The following FBXO15 variants were observed in gnomAD, a reference collection of about 807,000 sequenced individuals.
FBXO15 encodes F-box protein 15.
A neutral mutation model predicts 49.5 loss-of-function variants in FBXO15; 30 were observed. That is an observed-to-expected ratio of 0.61 (90% CI 0.45 to 0.82). The LOEUF (loss-of-function observed/expected upper bound fraction) is 0.82, where lower values mean the gene tolerates loss of function less well. Ranked by LOEUF, FBXO15 falls within the 40% of genes least tolerant of loss-of-function variation. The pLI is 0.00. For synonymous variants in FBXO15, 250 were observed against 232.7 expected, an observed-to-expected ratio of 1.07 and a Z score of -0.68; for missense variants, 591 against 631.5, an observed-to-expected ratio of 0.94 and a Z score of 0.69.
chr18:74,094,664 T>C (rs892421856), intron 8 of FBXO15, among the ~76,000 whole-genome samples: 21 of 152,252 alleles, frequency 1.4e-4, no homozygotes, highest in Non-Finnish European at 5.9e-5. Context: ...GTCTCATTTA[T>C]ACAGCAGAGA....
intron 8 of FBXO15, among the ~76,000 whole-genome samples, chr18:74,084,039 A>G (rs149486398): frequency 6.6e-6 from 1 of 152,358 alleles, no homozygotes; most frequent in East Asian, 1.9e-4. Flanking sequence ...CGGCAGAAAC[A>G]TGATCCAAAC....
chr18:74,103,643 G>C (rs9950571), intron 8 of FBXO15, among the ~76,000 whole-genome samples: 1 of 151,776 alleles, frequency 6.6e-6, no homozygotes, highest in African/African-American at 2.4e-5. Flanking sequence ...AGCAAATAAC[G>C]TAAAAGAGCA....
At chr18:74,077,252 G>A (rs1366200586) in intron 9 of FBXO15, among the ~76,000 whole-genome samples, 1 of 152,204 alleles carries the variant, frequency 6.6e-6, no homozygotes, top group Non-Finnish European at 1.5e-5. Flanking sequence ...GAGGGAGGTG[G>A]TAAGAGTAGT....
At chr18:74,089,549 T>C (rs185419723) in intron 8 of FBXO15, among the ~76,000 whole-genome samples, 46 of 152,274 alleles carry the variant, frequency 3.0e-4, no homozygotes, top group African/African-American at 8.9e-4. Flanking sequence ...CAGTATAATA[T>C]TGGTTTTGAA....
chr18:74,097,071 G>A (rs1370670217), intron 8 of FBXO15: 1 of 152,316 alleles, frequency 6.6e-6, no homozygotes, highest in Non-Finnish European at 1.5e-5. Context: ...GAAGCAGTGG[G>A]AAAAGCCCTG....
At chr18:74,128,420 T>A (rs1453764406) in intron 5 of FBXO15, among the ~76,000 whole-genome samples, 2 of 151,228 alleles carry the variant, frequency 1.3e-5, no homozygotes, top group African/African-American at 4.9e-5. Context: ...ATGTCAGATA[T>A]CACAGTATCC....
intron 1 of FBXO15, chr18:74,147,122 G>A (rs997233311): frequency 5.3e-5 from 8 of 152,340 alleles, no homozygotes; most frequent in Admixed American, 4.6e-4. Flanking sequence ...AGCAAGACCT[G>A]GCAATGTAGA....
intron 2 of FBXO15, 82 bp from the exon 3 acceptor site, chr18:74,135,948 GC>G: frequency 8.9e-7 from 1 of 1,121,852 alleles, no homozygotes. Flanking sequence ...ACAACTGGCT[GC>G]TCATCTCTAA....
At chr18:74,143,904 C>T (rs1979241426) in intron 1 of FBXO15, among the ~76,000 whole-genome samples, 1 of 152,214 alleles carries the variant, frequency 6.6e-6, no homozygotes, top group South Asian at 2.1e-4. Flanking sequence ...TAGCACACAT[C>T]ACCATCCAAC....
At chr18:74,146,392 C>T (rs1483449706) in intron 1 of FBXO15, among the ~76,000 whole-genome samples, 1 of 152,158 alleles carries the variant, frequency 6.6e-6, no homozygotes, top group East Asian at 1.9e-4. Context: ...ATGCAGGTTC[C>T]CATGCCAGGC....
chr18:74,084,027 A>C (rs976219726), intron 8 of FBXO15, among the ~76,000 whole-genome samples: 1 of 152,250 alleles, frequency 6.6e-6, no homozygotes, highest in Non-Finnish European at 1.5e-5. Flanking sequence ...ATCCCTGGTC[A>C]ACGGCAGAAA....
intron 1 of FBXO15, among the ~76,000 whole-genome samples, chr18:74,144,328 G>A (rs1209360036): frequency 6.6e-6 from 1 of 151,880 alleles, no homozygotes; most frequent in Non-Finnish European, 1.5e-5. Context: ...TTTTAAATGG[G>A]GACGATTTAG....
At chr18:74,131,228 A>G (rs1018846511) in intron 3 of FBXO15, among the ~76,000 whole-genome samples, 1 of 152,216 alleles carries the variant, frequency 6.6e-6, no homozygotes, top group African/African-American at 2.4e-5. Flanking sequence ...AACACTTACT[A>G]TGTGTCAAGC....
intron 1 of FBXO15, 145 bp downstream of exon 1, chr18:74,147,525 G>T (rs542009515): frequency 2.4e-6 from 3 of 1,256,124 alleles, no homozygotes; most frequent in East Asian, 6.3e-5. Context: ...GATTTCCTCC[G>T]GTCGTTCTTC....
intron 1 of FBXO15, chr18:74,140,743 A>G (rs978160338): frequency 6.2e-6 from 1 of 162,264 alleles, no homozygotes; most frequent in African/African-American, 2.4e-5. Flanking sequence ...CTTTCACCCA[A>G]AGGTTTAGAA....
chr18:74,096,616 G>C (rs756639134), intron 8 of FBXO15, among the ~76,000 whole-genome samples: 1 of 146,424 alleles, frequency 6.8e-6, no homozygotes, highest in African/African-American at 2.5e-5. Context: ...AAAGAAGAGC[G>C]AACAGGGAGC....
chr18:74,134,421 A>G (rs112609630), intron 3 of FBXO15, among the ~76,000 whole-genome samples: 1,956 of 143,522 alleles, frequency 0.014, 43 homozygotes, highest in African/African-American at 0.049. Flanking sequence ...CCCAGGCTAG[A>G]GTGCAGTGGC....
intron 5 of FBXO15, among the ~76,000 whole-genome samples, chr18:74,128,105 C>T (rs1316228277): frequency 6.6e-6 from 1 of 152,116 alleles, no homozygotes; most frequent in African/African-American, 2.4e-5. Flanking sequence ...TAAAAGGTAA[C>T]TGTTTCCAAA....
intron 9 of FBXO15, 68 bp downstream of exon 9, chr18:74,081,859 A>G: frequency 9.3e-7 from 1 of 1,079,928 alleles, no homozygotes; most frequent in South Asian, 1.8e-5. Context: ...TAATTTATAT[A>G]TATAAACAGA....
Sources: gnomAD v4.1 joint callset for allele counts (sites outside exome capture counted in the v4.1 genomes callset) on GRCh38, gnomAD v4.1.1 for gene constraint, MANE v1.5 for transcripts, NCBI Gene and HGNC (gene_info 2026-07-23, HGNC 2026-07-21) for gene names.